VAPA: variants seen among roughly 807,000 people sequenced by gnomAD.
The protein encoded by VAPA is vesicle-associated membrane protein-associated protein A.
In VAPA, 6 loss-of-function variants were observed where a neutral mutation model predicts 25.6. The observed-to-expected ratio is 0.23, with a 90% CI of 0.13 to 0.46. VAPA has a LOEUF of 0.46. Ranked by LOEUF, VAPA falls within the 20% of genes least tolerant of loss-of-function variation. VAPA has a pLI of 0.99. For synonymous variants in VAPA, 112 were observed against 106.2 expected, an observed-to-expected ratio of 1.05 and a Z score of -0.34; for missense variants, 244 against 302.1, an observed-to-expected ratio of 0.81 and a Z score of 1.43.
At chr18:9,935,308 A>G (rs186161780) in intron 2 of VAPA, among the ~76,000 whole-genome samples, 3,604 of 152,246 alleles carry the variant, frequency 0.024, 55 homozygotes, top group Middle Eastern at 0.072. Flanking sequence ...GCTGTGGCTT[A>G]CGCCTGTAAT....
At chr18:9,951,090 C>T (rs1321323504) in intron 5 of VAPA, 2 of 151,976 alleles carry the variant, frequency 1.3e-5, no homozygotes, top group East Asian at 1.9e-4. Context: ...ATGAATTTTA[C>T]CCATTTCTTT....
At chr18:9,948,455 T>TC (rs2069449963) in intron 4 of VAPA, 1 of 152,212 alleles carries the variant, frequency 6.6e-6, no homozygotes. Context: ...AATGACTTTT[T>TC]CCCTTCCCTC....
At chr18:9,950,307 C>G in intron 4 of VAPA, 88 bp from the exon 5 acceptor site, 1 of 1,441,068 alleles carries the variant, frequency 6.9e-7, no homozygotes, top group South Asian at 1.3e-5. Context: ...TTTTCATGAA[C>G]AAAGATGTAG....
rs1401193536 is a variant in VAPA, at chr18:9,957,941, T to G, written c.*3730T>G. 6.6e-6 allele frequency: 1 copy of G among 152,232 alleles called. No individual in the cohort carries two copies. Among genetic ancestry groups the G allele is most frequent in the Non-Finnish European group, 1.5e-5 (1 of 68,028 alleles). 9.4% of individuals were successfully genotyped at this position (152,232 alleles called of 1,614,324 possible). A position where few individuals can be genotyped will look rare whatever the true frequency, so the allele number is the denominator to read the frequency against. ...ACGCTTCTTCGCGTAAGCAGTGGCA[T>G]CTTGGGAATGAATGCCCAGCCGCTC... On this transcript the variant is annotated 3_prime_UTR_variant, in exon 6 of 6. Transcript: ENST00000400000.
At chr18:9,948,991 G>A (rs1248121464) in intron 4 of VAPA, 2 of 152,224 alleles carry the variant, frequency 1.3e-5, no homozygotes, top group African/African-American at 4.8e-5. Flanking sequence ...TATAGAGTAA[G>A]TCAGTGTGCC....
chr18:9,939,853 G>T (rs910316177), intron 4 of VAPA, among the ~76,000 whole-genome samples: 1 of 152,156 alleles, frequency 6.6e-6, no homozygotes, highest in Non-Finnish European at 1.5e-5. Flanking sequence ...CCACAACAAA[G>T]AATAATCTGG....
intron 4 of VAPA, among the ~76,000 whole-genome samples, chr18:9,940,416 T>C (rs2069355055): frequency 1.3e-5 from 2 of 152,180 alleles, no homozygotes; most frequent in Non-Finnish European, 2.9e-5. Flanking sequence ...CGGGTACCTG[T>C]GACAAAATTG....
intron 1 of VAPA, among the ~76,000 whole-genome samples, chr18:9,917,514 C>T (rs772794193): frequency 9.9e-5 from 15 of 152,204 alleles, no homozygotes; most frequent in Non-Finnish European, 2.1e-4. Context: ...CTTCTGACCT[C>T]AGGTGATCCG....
Position 9,959,830 on chromosome 18 carries a change from TTTG to T in VAPA, c.*5622_*5624del, listed in dbSNP as rs1238720291. On this transcript the variant is annotated 3_prime_UTR_variant, in exon 6 of 6. Transcript: ENST00000400000. ...TTCCTATTCTTGTTTCAAATAGAGG[TTTG>T]TTAGGAATTACAGTTGTGGGGAGCA... The T allele has an allele frequency of 6.6e-6, 1 of 151,718 alleles. No individual in the cohort carries two copies. The highest frequency in any genetic ancestry group is 1.5e-5 in the Non-Finnish European group (1 of 67,944). The allele number at this position is 151,718 out of a possible 1,614,324, so 9.4% of individuals were successfully genotyped here.
At chr18:9,936,089 T>C (rs1331600581) in intron 2 of VAPA, 21 bp from the exon 3 acceptor site, 9 of 1,530,636 alleles carry the variant, frequency 5.9e-6, no homozygotes, top group African/African-American at 1.4e-5. Context: ...CAATATAATA[T>C]ATCCTTTTTT....
intron 4 of VAPA, among the ~76,000 whole-genome samples, chr18:9,945,438 C>T (rs1261247063): frequency 1.5e-5 from 2 of 135,152 alleles, no homozygotes; most frequent in Admixed American, 8.5e-5. Context: ...CAGCTCACTG[C>T]AACCTCTGCC....
intron 2 of VAPA, among the ~76,000 whole-genome samples, chr18:9,934,783 CTTAGAAAACTTAAAAGACGAGAAA>C (rs1479164802): frequency 6.6e-6 from 1 of 152,116 alleles, no homozygotes; most frequent in African/African-American, 2.4e-5. Context: ...CACATGGAAC[CTTAGAAAACTTAAAAGACGAGAAA>C]TTATAAATGC....
chr18:9,956,974 A>G lies in VAPA; in HGVS notation c.*2763A>G, dbSNP rs1444403720. The G allele has an allele frequency of 1.3e-5, 2 of 152,250 alleles. No homozygotes were observed. Among genetic ancestry groups the G allele is most frequent in the Non-Finnish European group, 2.9e-5 (2 of 68,050 alleles). The allele number at this position is 152,250 out of a possible 1,614,324, so 9.4% of individuals were successfully genotyped here. On this transcript the variant is annotated 3_prime_UTR_variant, in exon 6 of 6. Transcript: ENST00000400000. ...GTGTGTGGTATGTTCCCTTAAAAAA[A>G]AATGACACTTGGAAGAAAAATGTAT...
intron 1 of VAPA, chr18:9,924,863 A>G (rs2069186871): frequency 1.3e-5 from 2 of 152,026 alleles, no homozygotes; most frequent in African/African-American, 2.4e-5. Context: ...GTTAAGCCTC[A>G]GATTGAACAT....
rs929881324 is a variant in VAPA at position 9,956,254 on chromosome 18, G to T, written c.*2043G>T. The stretch of plus-strand genomic sequence containing the variant: ...TATCTGGTCTGTTGACTCTAGCTCA[G>T]TGTCTTCTGGTAACTGTTGAAAATT... On this transcript the variant is annotated 3_prime_UTR_variant, in exon 6 of 6. Transcript: ENST00000400000. 4 of 152,198 alleles carry T rather than the reference G, an allele frequency of 2.6e-5. No homozygotes were observed. The highest frequency in any genetic ancestry group is 9.7e-5 in the African/African-American group (4 of 41,444). The allele number at this position is 152,198 out of a possible 1,614,324, so 9.4% of individuals were successfully genotyped here.
rs533390455 is a variant in VAPA, at chr18:9,931,704, T to C, written c.80-106T>C. 2.8e-4 allele frequency: 269 copies of C among 976,464 alleles called. 2 individuals are homozygous for C. The South Asian group carries it at 4.8e-3, about 17-fold the overall frequency. The allele number at this position is 976,464 out of a possible 1,614,324, so 60.5% of individuals were successfully genotyped here. ...CATTTGGGATATTTATGCCTACAAA[T>C]GTCAGCACTTAATTAAAATTGAGGT... On this transcript the variant is annotated intron_variant, in intron 1 of 5. Transcript: ENST00000400000.
intron 1 of VAPA, chr18:9,914,630 C>CG (rs2069095471): frequency 6.6e-6 from 1 of 150,772 alleles, no homozygotes; most frequent in African/African-American, 2.4e-5. Context: ...TGCGGTCCCG[C>CG]GGGGGCGCCT....
chr18:9,930,061 C>G (rs2143332489), intron 1 of VAPA, among the ~76,000 whole-genome samples: 1 of 151,942 alleles, frequency 6.6e-6, no homozygotes, highest in East Asian at 1.9e-4. Context: ...GAAAACTGAC[C>G]CACAGTCATT....
At chr18:9,945,184 T>A in intron 4 of VAPA, 1 of 1,118,734 alleles carries the variant, frequency 8.9e-7, no homozygotes, top group Non-Finnish European at 1.3e-6. Flanking sequence ...GAACTATGCC[T>A]AAAATTACAA....
Sources: allele counts gnomAD v4.1 joint callset (sites outside exome capture counted in the v4.1 genomes callset), GRCh38; gene constraint gnomAD v4.1.1; transcripts MANE v1.5; gene names NCBI Gene and HGNC (gene_info 2026-07-23, HGNC 2026-07-21).